The following APOLD1 variants were observed in gnomAD, a reference collection of about 807,000 sequenced individuals.
APOLD1 encodes the protein apolipoprotein L domain-containing protein 1.
A neutral mutation model predicts 15.3 loss-of-function variants in APOLD1; 22 were observed. The ratio of observed to expected loss-of-function variants is 1.44; its 90% CI spans 1.03 to 2.05. APOLD1 has a LOEUF of 2.05. APOLD1 is among the 30% of genes most tolerant of loss of function. APOLD1 has a pLI of 0.00. For missense variants in APOLD1, 394 were observed against 353.5 expected (o/e 1.11, Z -0.92); for synonymous variants, 190 against 167.4 (o/e 1.13, Z -1.04).
At chr12:12,737,780 C>T (rs1946700657) in intron 1 of APOLD1, among the ~76,000 whole-genome samples, 1 of 152,194 alleles carries the variant, frequency 6.6e-6, no homozygotes, top group South Asian at 2.1e-4. Context: ...GTAGTTCCTA[C>T]TGATGTCTTC....
At chr12:12,742,721 G>A (rs560056951) in intron 1 of APOLD1, among the ~76,000 whole-genome samples, 2 of 149,474 alleles carry the variant, frequency 1.3e-5, no homozygotes, top group South Asian at 2.2e-4. Context: ...CTGAGATCGC[G>A]CCACTGCACT....
chr12:12,741,298 C>T (rs2136373468), intron 1 of APOLD1, among the ~76,000 whole-genome samples: 1 of 152,322 alleles, frequency 6.6e-6, no homozygotes, highest in South Asian at 2.1e-4. Flanking sequence ...TCTCAAACTC[C>T]TGGGCTCAAG....
At chr12:12,751,680 A>G (rs918951445) in intron 1 of APOLD1, among the ~76,000 whole-genome samples, 22 of 152,176 alleles carry the variant, frequency 1.4e-4, no homozygotes, top group Admixed American at 6.5e-5. Flanking sequence ...CCTCGATATT[A>G]CCTTCTGTGA....
At chr12:12,741,492 G>A (rs1946729071) in intron 1 of APOLD1, among the ~76,000 whole-genome samples, 1 of 152,204 alleles carries the variant, frequency 6.6e-6, no homozygotes, top group African/African-American at 2.4e-5. Context: ...TGAATTACAG[G>A]CATGAGCCAT....
intron 1 of APOLD1, among the ~76,000 whole-genome samples, chr12:12,755,327 A>C (rs1403028472): frequency 1.3e-5 from 2 of 148,652 alleles, no homozygotes; most frequent in Non-Finnish European, 3.0e-5. Context: ...AATTTTTAGC[A>C]AAAAAAAAGG....
intron 1 of APOLD1, among the ~76,000 whole-genome samples, chr12:12,776,031 A>G (rs755003870): frequency 1.3e-5 from 2 of 149,800 alleles, no homozygotes; most frequent in African/African-American, 4.9e-5. Flanking sequence ...AAAAAACACA[A>G]CAAACAAACA....
chr12:12,753,721 C>A (rs973946836), intron 1 of APOLD1, among the ~76,000 whole-genome samples: 1 of 151,938 alleles, frequency 6.6e-6, no homozygotes. Context: ...AGAGGCAGTG[C>A]ATTTAAATAA....
intron 1 of APOLD1, among the ~76,000 whole-genome samples, chr12:12,767,221 G>A (rs535191118): frequency 3.9e-5 from 6 of 152,238 alleles, no homozygotes; most frequent in Non-Finnish European, 7.4e-5. Context: ...ACTCCAGCTT[G>A]GGTGACAGAG....
At chr12:12,744,175 G>A (rs996941899) in intron 1 of APOLD1, among the ~76,000 whole-genome samples, 3 of 152,080 alleles carry the variant, frequency 2.0e-5, no homozygotes, top group Admixed American at 1.3e-4. Context: ...AGCAAGGAAC[G>A]GTGTGCACCT....
At chr12:12,781,520 C>T (rs11055065), upstream of APOLD1, among the ~76,000 whole-genome samples, 38,741 of 150,476 alleles carry the variant, frequency 0.26, 5,076 homozygotes, top group South Asian at 0.39. Context: ...GTAATTATCA[C>T]TTTATCTTTT....
At position 12,787,058 on chromosome 12, in the gene APOLD1, C is replaced by G. The variant is rs1473937095; in HGVS notation, c.153C>G (p.Arg51=). 6 of 1,377,928 alleles carry G rather than the reference C, an allele frequency of 4.4e-6. No homozygotes were observed. The highest frequency in any genetic ancestry group is 4.6e-6 in the Non-Finnish European group (5 of 1,076,662). The allele number at this position is 1,377,928 out of a possible 1,614,324, so 85.4% of individuals were successfully genotyped here. A position where few individuals can be genotyped will look rare whatever the true frequency, so the allele number is the denominator to read the frequency against. The change falls in exon 2 of 2, where the codon CGC becomes CGG. Residue 51 remains arginine, a synonymous_variant. Coordinates refer to ENST00000356591, the MANE Select transcript of APOLD1 (RefSeq NM_030817.3). This position sits in a 1 kb window ranked among gnomAD's most constrained non-coding sequence, Gnocchi z 4.9. ...GGCGCCTGGAGCGCCTGCGCAGGCGCTCCCTCGTAGCCAACGTGGCCGGCA... is the reference window on the plus strand; with the variant it reads ...GGCGCCTGGAGCGCCTGCGCAGGCGGTCCCTCGTAGCCAACGTGGCCGGCA... The part of the protein sequence containing the change: ...VARRLERLRR[R]SLVANVAGSS...
chr12:12,762,734 C>G (rs561358903), intron 1 of APOLD1, among the ~76,000 whole-genome samples: 1 of 152,088 alleles, frequency 6.6e-6, no homozygotes, highest in Admixed American at 6.6e-5. Flanking sequence ...TGAACCCACT[C>G]GGAAACATTT....
chr12:12,774,654 C>T (rs545449196), intron 1 of APOLD1, among the ~76,000 whole-genome samples: 1 of 150,696 alleles, frequency 6.6e-6, no homozygotes. Context: ...CCTTAACAGG[C>T]ACCTCACCAA....
chr12:12,764,034 C>T (rs1171793356), intron 1 of APOLD1, among the ~76,000 whole-genome samples: 1 of 150,904 alleles, frequency 6.6e-6, no homozygotes, highest in Non-Finnish European at 1.5e-5. Context: ...GTGATCTCGG[C>T]TCACTGCAAC....
At chr12:12,767,500 A>C (rs568878555) in intron 1 of APOLD1, among the ~76,000 whole-genome samples, 6 of 152,154 alleles carry the variant, frequency 3.9e-5, no homozygotes, top group African/African-American at 1.4e-4. Context: ...ATCTCTACTA[A>C]AAATAGAAAA....
intron 1 of APOLD1, among the ~76,000 whole-genome samples, chr12:12,780,379 T>G (rs186350471): frequency 1.7e-3 from 261 of 151,320 alleles, no homozygotes; most frequent in African/African-American, 6.0e-3. Context: ...AAGTACCAAG[T>G]AGCTGGGACT....
At chr12:12,758,606 T>C (rs1416602146) in intron 1 of APOLD1, among the ~76,000 whole-genome samples, 1 of 152,204 alleles carries the variant, frequency 6.6e-6, no homozygotes, top group Non-Finnish European at 1.5e-5. Flanking sequence ...CCAGCATTTT[T>C]CCTGCCTTTC....
chr12:12,762,651 C>G (rs576105362), intron 1 of APOLD1, among the ~76,000 whole-genome samples: 1 of 151,834 alleles, frequency 6.6e-6, no homozygotes, highest in African/African-American at 2.4e-5. Flanking sequence ...CCACGCCCAG[C>G]CTTACCCTGA....
chr12:12,739,183 A>G (rs1946712385), intron 1 of APOLD1, among the ~76,000 whole-genome samples: 1 of 152,236 alleles, frequency 6.6e-6, no homozygotes, highest in South Asian at 2.1e-4. Flanking sequence ...CATCTTGCAC[A>G]GGTCACTGAA....
Sources: gnomAD v4.1 joint callset for allele counts (sites outside exome capture counted in the v4.1 genomes callset) on GRCh38, gnomAD v4.1.1 for gene constraint, Gnocchi (gnomAD v3.1) non-coding constraint, MANE v1.5 for transcripts, NCBI Gene and HGNC (gene_info 2026-07-23, HGNC 2026-07-21) for gene names.